The following MRPL1 variants were observed in gnomAD, a reference collection of about 807,000 sequenced individuals.
The protein encoded by MRPL1 is mitochondrial ribosomal protein L1, also known as large ribosomal subunit protein uL1m.
In MRPL1, 28 loss-of-function variants were observed where a neutral mutation model predicts 38.0. That is an observed-to-expected ratio of 0.74 (90% confidence interval 0.55 to 1.01). MRPL1 has a LOEUF of 1.01. Ranked by LOEUF, MRPL1 falls within the 50% of genes least tolerant of loss-of-function variation. The pLI, the probability that MRPL1 is intolerant of heterozygous loss-of-function variation, is 0.00. For synonymous variants in MRPL1, 123 were observed against 126.7 expected, an observed-to-expected ratio of 0.97 and a Z score of 0.20; for missense variants, 358 against 389.8, an observed-to-expected ratio of 0.92 and a Z score of 0.69.
chr4:77,926,612 C>T (rs1163278260), intron 7 of MRPL1, among the ~76,000 whole-genome samples: 1 of 134,952 alleles, frequency 7.4e-6, no homozygotes, highest in Admixed American at 7.2e-5. Flanking sequence ...TTCTTTTTTA[C>T]TTTTTTTTTT....
intron 6 of MRPL1, among the ~76,000 whole-genome samples, chr4:77,901,087 A>G (rs1217231984): frequency 2.0e-5 from 3 of 152,194 alleles, no homozygotes; most frequent in Non-Finnish European, 4.4e-5. Flanking sequence ...CACAGGAAGT[A>G]AAGCAGATTT....
rs746442564 is a variant in MRPL1, at chr4:77,862,870, A to G, written c.22A>G (p.Met8Val). 3.1e-6 allele frequency: 5 copies of G among 1,613,978 alleles called. No homozygotes were observed. The African/African-American group carries it at 4.0e-5, about 13-fold the overall frequency. Residue 8 changes from methionine (M) to valine (V), a missense_variant, in exon 1 of 9, where the codon ATG becomes GTG. Coordinates refer to ENST00000315567, the MANE Select transcript of MRPL1 (RefSeq NM_020236.4). ...CAACATGGCGGCGGCCGTAAGGTGC[A>G]TGGGTAGAGGTAAGGCGAGGGGTTG... MAAAVRC[M>V]GRALIHHQRH...
intron 6 of MRPL1, among the ~76,000 whole-genome samples, chr4:77,905,595 CAAAG>C (rs1203772951): frequency 6.9e-6 from 1 of 145,416 alleles, no homozygotes. Flanking sequence ...GCAAATTAGA[CAAAG>C]AAGAAGGAAT....
chr4:77,867,153 A>G (rs1487986926), intron 1 of MRPL1, among the ~76,000 whole-genome samples: 1 of 152,048 alleles, frequency 6.6e-6, no homozygotes, highest in Non-Finnish European at 1.5e-5. Flanking sequence ...CCATCCCCCA[A>G]TTATTTTTAT....
At chr4:77,912,246 C>T (rs529603849) in intron 7 of MRPL1, among the ~76,000 whole-genome samples, 29 of 152,050 alleles carry the variant, frequency 1.9e-4, no homozygotes, top group African/African-American at 6.0e-4. Flanking sequence ...TTCTAGTTAG[C>T]GCAATCAGGC....
At chr4:77,902,404 A>G (rs1314534713) in intron 6 of MRPL1, among the ~76,000 whole-genome samples, 3 of 151,602 alleles carry the variant, frequency 2.0e-5, no homozygotes, top group Non-Finnish European at 4.4e-5. Context: ...AAAAAAAAAA[A>G]ACCGAGTTAG....
At chr4:77,882,639 G>T (rs1218151888) in intron 2 of MRPL1, among the ~76,000 whole-genome samples, 1 of 152,158 alleles carries the variant, frequency 6.6e-6, no homozygotes, top group Non-Finnish European at 1.5e-5. Context: ...GTTCATGCGT[G>T]TTGTAGCATT....
At chr4:77,885,630 G>A (rs1012049124) in intron 4 of MRPL1, among the ~76,000 whole-genome samples, 6 of 152,114 alleles carry the variant, frequency 3.9e-5, no homozygotes, top group African/African-American at 1.4e-4. Context: ...CTCCCAAAGT[G>A]CTGGGATTAC....
intron 7 of MRPL1, among the ~76,000 whole-genome samples, chr4:77,941,523 T>A (rs1737132339): frequency 6.6e-6 from 1 of 152,124 alleles, no homozygotes; most frequent in East Asian, 1.9e-4. Context: ...GCAGTTTTGT[T>A]GTTGTTGTTT....
At chr4:77,938,453 C>CTGAA (rs1346902280) in intron 7 of MRPL1, among the ~76,000 whole-genome samples, 1 of 152,184 alleles carries the variant, frequency 6.6e-6, no homozygotes, top group Non-Finnish European at 1.5e-5. Flanking sequence ...AGATCACTCC[C>CTGAA]TCTGGTTCAA....
chr4:77,868,297 A>T (rs1329474787), intron 1 of MRPL1, among the ~76,000 whole-genome samples: 1 of 151,922 alleles, frequency 6.6e-6, no homozygotes, highest in Admixed American at 6.6e-5. Context: ...GCTGGAGTGC[A>T]GTGGCTCAAT....
chr4:77,899,951 TTTGTC>T (rs1735999478), intron 6 of MRPL1, among the ~76,000 whole-genome samples: 1 of 152,196 alleles, frequency 6.6e-6, no homozygotes, highest in South Asian at 2.1e-4. Flanking sequence ...TAGATCTCTC[TTTGTC>T]TTGTCTTTGT....
intron 6 of MRPL1, among the ~76,000 whole-genome samples, chr4:77,903,354 T>C (rs1736079029): frequency 6.6e-6 from 1 of 152,110 alleles, no homozygotes; most frequent in African/African-American, 2.4e-5. Flanking sequence ...ACACAGCACA[T>C]CTATGAAAAA....
intron 7 of MRPL1, among the ~76,000 whole-genome samples, chr4:77,936,688 C>T (rs1001455650): frequency 1.3e-5 from 2 of 152,196 alleles, no homozygotes; most frequent in Non-Finnish European, 2.9e-5. Flanking sequence ...TATTTACTGC[C>T]TTACCATTTA....
intron 1 of MRPL1, among the ~76,000 whole-genome samples, chr4:77,867,980 TCTC>T (rs760117006): frequency 3.3e-5 from 5 of 151,656 alleles, no homozygotes; most frequent in Non-Finnish European, 7.4e-5. Context: ...ATGGTCTTGA[TCTC>T]CTGACCTCGT....
chr4:77,941,647 T>C (rs1737134367), intron 7 of MRPL1, among the ~76,000 whole-genome samples: 2 of 152,192 alleles, frequency 1.3e-5, no homozygotes, highest in Admixed American at 1.3e-4. Flanking sequence ...CTTCTAGGTT[T>C]TCTATGTGCG....
chr4:77,927,502 A>G (rs1736740916), intron 7 of MRPL1, among the ~76,000 whole-genome samples: 1 of 152,156 alleles, frequency 6.6e-6, no homozygotes, highest in African/African-American at 2.4e-5. Context: ...TATACTATAA[A>G]TCAAGTTAAG....
At chr4:77,922,429 A>G (rs1206201987) in intron 7 of MRPL1, among the ~76,000 whole-genome samples, 1 of 152,168 alleles carries the variant, frequency 6.6e-6, no homozygotes, top group African/African-American at 2.4e-5. Context: ...TTAGAGTGAG[A>G]TGGAGACCCT....
At chr4:77,896,247 C>T (rs1336302776) in intron 6 of MRPL1, among the ~76,000 whole-genome samples, 2 of 149,846 alleles carry the variant, frequency 1.3e-5, no homozygotes, top group Admixed American at 6.7e-5. Context: ...TTCTTTATTC[C>T]AAATAATAAT....
Sources: allele counts gnomAD v4.1 joint callset (sites outside exome capture counted in the v4.1 genomes callset), GRCh38; gene constraint gnomAD v4.1.1; transcripts MANE v1.5; gene names NCBI Gene and HGNC (gene_info 2026-07-23, HGNC 2026-07-21).